The following ATF7IP variants were observed in gnomAD, a reference collection of about 807,000 sequenced individuals.
The protein encoded by ATF7IP is activating transcription factor 7-interacting protein 1.
Under a neutral mutation model 106.4 loss-of-function variants are expected in ATF7IP, and 23 were observed. The observed-to-expected ratio is 0.22, with a 90% CI of 0.16 to 0.31. The LOEUF is 0.31. Ranked by LOEUF, ATF7IP falls within the 10% of genes least tolerant of loss-of-function variation. The probability of loss-of-function intolerance (pLI) is 1.00; values close to 1 mark genes in which losing one functional copy is unlikely to be tolerated. For synonymous variants in ATF7IP, 542 were observed against 539.0 expected (o/e 1.01, Z -0.08); for missense variants, 1,334 against 1,524.3 (o/e 0.88, Z 2.08).
rs544879034 is a variant in ATF7IP, at chr12:14,446,534, C to T, written c.1930-454C>T. On this transcript the variant is annotated intron_variant, in intron 5 of 14. Transcript: ENST00000261168. ...AGTAATATATGAGCATTCATTTACA[C>T]TTCTGTTGAAAGTGTCACAGTAAAG... is the stretch of plus-strand genomic sequence containing the variant. Among the ~76,000 whole-genome samples the T allele has an allele frequency of 1.8e-4, 27 of 152,334 alleles. 1 individual carries two copies. The highest frequency in any genetic ancestry group is 3.4e-3 in the Middle Eastern group (1 of 294).
rs751901114 is a variant in ATF7IP, at chr12:14,424,225, G to T, written c.310G>T (p.Asp104Tyr). The change falls in exon 2 of 15, where the codon GAT becomes TAT. Residue 104 changes from aspartate to tyrosine, a missense_variant. Physicochemically the swap from Asp to Tyr is radical, Grantham distance 160 (BLOSUM62 -3). Coordinates refer to ENST00000261168, the MANE Select transcript of ATF7IP (RefSeq NM_018179.5). ...ILSVNVKNKQDDDLNCEPLSP... is the reference protein window; with the variant it reads ...ILSVNVKNKQYDDLNCEPLSP... ...AAGTGTTAATGTAAAAAACAAGCAG[G>T]ATGATGATTTAAATTGTGAACCTTT... is the stretch of plus-strand genomic sequence containing the variant. 1.9e-6 allele frequency: 3 copies of T among 1,614,074 alleles called. No homozygotes were observed. The highest frequency in any genetic ancestry group is 2.7e-5 in the African/African-American group (2 of 74,926).
chr12:14,415,044 C>T (rs1314278257), intron 1 of ATF7IP, among the ~76,000 whole-genome samples: 3 of 152,108 alleles, frequency 2.0e-5, no homozygotes, highest in Non-Finnish European at 2.9e-5. Flanking sequence ...GCTGAGATTA[C>T]AAGTATGTGC....
chr12:14,367,054 AT>A (rs921885044), intron 1 of ATF7IP, among the ~76,000 whole-genome samples: 30 of 152,156 alleles, frequency 2.0e-4, no homozygotes, highest in Non-Finnish European at 3.5e-4. Context: ...ATTTGATATG[AT>A]TCTCCCGTTG....
intron 1 of ATF7IP, among the ~76,000 whole-genome samples, chr12:14,389,544 T>C (rs761978820): frequency 6.6e-6 from 1 of 152,196 alleles, no homozygotes; most frequent in South Asian, 2.1e-4. Flanking sequence ...TTGAAAAAAA[T>C]TCATTTTCAG....
chr12:14,443,838 C>CA (rs1279748279), intron 5 of ATF7IP, among the ~76,000 whole-genome samples: 25 of 152,046 alleles, frequency 1.6e-4, no homozygotes, highest in African/African-American at 5.5e-4. Flanking sequence ...CATATAAGGA[C>CA]AATATATTCT....
chr12:14,437,870 G>T (rs370459735), intron 4 of ATF7IP, among the ~76,000 whole-genome samples: 1 of 151,950 alleles, frequency 6.6e-6, no homozygotes, highest in Non-Finnish European at 1.5e-5. Context: ...CGGCTAAAAC[G>T]GTGAAACCCC....
intron 13 of ATF7IP, among the ~76,000 whole-genome samples, chr12:14,486,114 G>A (rs867191329): frequency 4.1e-4 from 63 of 152,272 alleles, no homozygotes; most frequent in African/African-American, 1.1e-3. Flanking sequence ...AAGTATGTCA[G>A]TGCCAATTAT....
Position 14,500,338 on chromosome 12 carries a change from C to T in ATF7IP, c.*2265C>T, listed in dbSNP as rs1197512079. On this transcript the variant is annotated 3_prime_UTR_variant, in exon 15 of 15. Transcript: ENST00000261168. ...CCTATAGATTGCCAAAAAATTAATT[C>T]TCCAAACCACCTTTCACTCTCAGAA... 6.6e-6 allele frequency: 1 copy of T among 152,150 alleles called. No individual in the cohort carries two copies. Among genetic ancestry groups the T allele is most frequent in the Non-Finnish European group, 1.5e-5 (1 of 68,040 alleles). 9.4% of individuals were successfully genotyped at this position (152,150 alleles called of 1,614,324 possible).
rs1274929378 is a variant in ATF7IP at position 14,501,488 on chromosome 12, C to T, written c.*3415C>T. The T allele has an allele frequency of 1.3e-5, 2 of 152,160 alleles. No individual in the cohort carries two copies. Among genetic ancestry groups the T allele is most frequent in the Non-Finnish European group, 2.9e-5 (2 of 68,028 alleles). 9.4% of individuals were successfully genotyped at this position (152,160 alleles called of 1,614,324 possible). ...TTCTTGCCAAGAAATTTATAAATCA[C>T]ATACGAAGACGTCTGTTGCTAACAG... On this transcript the variant is annotated 3_prime_UTR_variant, in exon 15 of 15. Coordinates refer to ENST00000261168, the MANE Select transcript of ATF7IP (RefSeq NM_018179.5).
rs758065556 is a variant in ATF7IP at position 14,460,581 on chromosome 12, G to A, written c.2245G>A (p.Ala749Thr). The A allele has an allele frequency of 2.5e-6, 4 of 1,614,058 alleles. No homozygotes were observed. In the Admixed American group the frequency reaches 6.7e-5, roughly 27 times the overall value. Residue 749 changes from alanine (A) to threonine (T), a missense_variant, in exon 9 of 15, where the codon GCA becomes ACA. Ala to Thr is a moderately conservative substitution (Grantham distance 58). Around this residue, in one of 10 missense-constraint regions of ATF7IP, gnomAD observed 171 missense variants for 172.6 expected, o/e 0.99. Transcript: ENST00000261168. The part of the protein sequence containing the change: ...QTPVTSGSLT[A>T]TSVLPAPNTA... ...TCCAGTGACTTCGGGTTCCCTCACA[G>A]CAACGTCAGTTCTTCCTGCACCCAA...
chr12:14,468,635 G>A (rs993389953), intron 10 of ATF7IP, among the ~76,000 whole-genome samples: 13 of 152,142 alleles, frequency 8.5e-5, no homozygotes, highest in Non-Finnish European at 1.0e-4. Flanking sequence ...TAAAAAATGC[G>A]TACAAGCAGT....
In ATF7IP at chr12:14,403,460, A is replaced by G. The variant is rs116317510; in HGVS notation, c.-7-20449A>G. ...AACATAGTCACAGTCAGGCTCCACA[A>G]ACTGCTCTTCTAGTCTCTCTAAGCA... On this transcript the variant is annotated intron_variant, in intron 1 of 14. Transcript: ENST00000261168. 3.3e-3 allele frequency among the ~76,000 whole-genome samples: 506 copies of G among 152,258 alleles called. 7 individuals are homozygous for G. Among genetic ancestry groups the G allele is most frequent in the African/African-American group, 0.012 (478 of 41,536 alleles).
intron 1 of ATF7IP, among the ~76,000 whole-genome samples, chr12:14,414,671 C>T (rs1941110273): frequency 6.6e-6 from 1 of 152,008 alleles, no homozygotes; most frequent in African/African-American, 2.4e-5. Context: ...GCCTGGTGTC[C>T]TAGAATAATG....
intron 13 of ATF7IP, among the ~76,000 whole-genome samples, chr12:14,484,092 G>A (rs1190095942): frequency 2.6e-5 from 4 of 152,102 alleles, no homozygotes; most frequent in African/African-American, 7.2e-5. Flanking sequence ...CCTGCCACCC[G>A]GTAGCTAGCT....
intron 6 of ATF7IP, among the ~76,000 whole-genome samples, chr12:14,448,418 A>T (rs1387273986): frequency 1.3e-5 from 2 of 152,192 alleles, no homozygotes; most frequent in African/African-American, 4.8e-5. Flanking sequence ...GTCTGTGTTT[A>T]TGATTCCATG....
intron 1 of ATF7IP, among the ~76,000 whole-genome samples, chr12:14,384,226 C>T (rs1174256465): frequency 6.6e-6 from 1 of 152,050 alleles, no homozygotes; most frequent in Non-Finnish European, 1.5e-5. Context: ...ATAGATAGAA[C>T]AAGATACACA....
At chr12:14,496,186 A>C (rs759465613) in intron 13 of ATF7IP, 45 bp from the exon 14 acceptor site, 1 of 1,231,050 alleles carries the variant, frequency 8.1e-7, no homozygotes, top group South Asian at 1.3e-5. Context: ...CCAAATTTAC[A>C]ATAGAATTAT....
At chr12:14,369,265 C>T (rs1938435215) in intron 1 of ATF7IP, 1 of 152,084 alleles carries the variant, frequency 6.6e-6, no homozygotes, top group Non-Finnish European at 1.5e-5. Flanking sequence ...TACTGCCTTT[C>T]CTTTTTCCTT....
chr12:14,414,063 A>G (rs549075263), intron 1 of ATF7IP, among the ~76,000 whole-genome samples: 7 of 152,314 alleles, frequency 4.6e-5, no homozygotes, highest in African/African-American at 1.7e-4. Flanking sequence ...GATTTATTCT[A>G]TGGTGGTTGT....
Sources: gnomAD v4.1 joint callset for allele counts (sites outside exome capture counted in the v4.1 genomes callset) on GRCh38, gnomAD v4.1.1 for gene constraint, gnomAD v4.1.1 regional missense constraint, MANE v1.5 for transcripts, NCBI Gene and HGNC (gene_info 2026-07-23, HGNC 2026-07-21) for gene names.